The following HSD17B4 variants were observed in gnomAD, a reference collection of about 807,000 sequenced individuals.
The protein encoded by HSD17B4 is hydroxysteroid 17-beta dehydrogenase 4.
Under a neutral mutation model 101.0 loss-of-function variants are expected in HSD17B4, and 70 were observed. That is an observed-to-expected ratio of 0.69 (90% CI 0.57 to 0.85). The LOEUF is 0.85. Among genes scored for constraint, HSD17B4 ranks in the 40% least tolerant of loss-of-function variants. The pLI is 0.00. For synonymous variants in HSD17B4, 347 were observed against 297.1 expected, an observed-to-expected ratio of 1.17 and a Z score of -1.73; for missense variants, 984 against 892.4, an observed-to-expected ratio of 1.10 and a Z score of -1.31.
intron 1 of HSD17B4, 39 bp downstream of exon 1, chr5:119,452,672 G>A: frequency 1.2e-6 from 2 of 1,612,740 alleles, no homozygotes; most frequent in East Asian, 4.5e-5. Context: ...CCCTTGCTGA[G>A]GCGCAGCTGG....
rs79233674 is a variant in HSD17B4 at position 119,457,109 on chromosome 5, G to T, written c.112+741G>T. Among the ~76,000 whole-genome samples, 1,404 of 152,302 alleles carry T rather than the reference G, an allele frequency of 9.2e-3. 27 individuals are homozygous for T. Among genetic ancestry groups the T allele is most frequent in the African/African-American group, 0.033 (1,353 of 41,566 alleles). Reference sequence around the variant, plus strand: ...GTGGGAGGTTTTAGTAATCTGCATGGTTTGGACTGATCTAATGTGCTTGAC... The same window carrying T: ...GTGGGAGGTTTTAGTAATCTGCATGTTTTGGACTGATCTAATGTGCTTGAC... On this transcript the variant is annotated intron_variant, in intron 2 of 23. Transcript: ENST00000510025.
intron 7 of HSD17B4, 26 bp downstream of exon 7, chr5:119,477,527 G>T: frequency 6.6e-7 from 1 of 1,504,990 alleles, no homozygotes; most frequent in Non-Finnish European, 9.3e-7. Context: ...GTTGTCAAGG[G>T]GGATTTAAGA....
intron 2 of HSD17B4, among the ~76,000 whole-genome samples, chr5:119,468,222 A>C (rs879617168): frequency 6.6e-6 from 1 of 151,904 alleles, no homozygotes; most frequent in Non-Finnish European, 1.5e-5. Context: ...TTAAGCTTTC[A>C]TATGTTTTCA....
chr5:119,529,550 A>G (rs1159827390), intron 20 of HSD17B4, among the ~76,000 whole-genome samples: 8 of 151,908 alleles, frequency 5.3e-5, no homozygotes, highest in Admixed American at 3.9e-4. Context: ...CCTGATCCCC[A>G]CTTCCCCCCC....
At chr5:119,505,681 A>G (rs1236441960) in intron 14 of HSD17B4, among the ~76,000 whole-genome samples, 1 of 152,026 alleles carries the variant, frequency 6.6e-6, no homozygotes, top group East Asian at 1.9e-4. Flanking sequence ...ATAGAATGAT[A>G]TCATTGGTGA....
At chr5:119,476,184 A>G (rs534964340) in intron 6 of HSD17B4, among the ~76,000 whole-genome samples, 1 of 152,174 alleles carries the variant, frequency 6.6e-6, no homozygotes. Context: ...TTAACTCTTA[A>G]CAGCCTTTAA....
At chr5:119,492,482 G>A (rs751524023) in intron 10 of HSD17B4, 3 of 224,918 alleles carry the variant, frequency 1.3e-5, no homozygotes, top group Non-Finnish European at 2.7e-5. Flanking sequence ...GTGAGTGGGA[G>A]GGAGAGCTGT....
In HSD17B4 at chr5:119,487,715, G is replaced by T. The variant is rs1332582726; in HGVS notation, c.623-1477G>T. On this transcript the variant is annotated intron_variant, in intron 8 of 23. Coordinates refer to ENST00000510025, the MANE Select transcript of HSD17B4 (RefSeq NM_000414.4). Reference sequence around the variant, plus strand: ...TATAGATATGTTTATTTCTCATTCAGTTTGAAGTTAGCCAACTCAAATATC... The same window carrying T: ...TATAGATATGTTTATTTCTCATTCATTTTGAAGTTAGCCAACTCAAATATC... Among the ~76,000 whole-genome samples the T allele has an allele frequency of 3.3e-5, 5 of 152,184 alleles. No individual in the cohort carries two copies. In the South Asian group the frequency reaches 1.0e-3, roughly 32 times the overall value.
intron 2 of HSD17B4, among the ~76,000 whole-genome samples, chr5:119,466,789 C>T (rs1252332212): frequency 1.3e-5 from 2 of 151,620 alleles, no homozygotes; most frequent in Non-Finnish European, 2.9e-5. Flanking sequence ...TTGTTTATTT[C>T]TTCTCTGATC....
At chr5:119,476,631 A>G in intron 6 of HSD17B4, 4 of 985,142 alleles carry the variant, frequency 4.1e-6, no homozygotes, top group Non-Finnish European at 3.6e-6. Flanking sequence ...CTTCCCTTGT[A>G]ACAACTGGGG....
intron 12 of HSD17B4, among the ~76,000 whole-genome samples, chr5:119,498,224 C>T (rs1050161600): frequency 6.6e-6 from 1 of 152,082 alleles, no homozygotes; most frequent in Non-Finnish European, 1.5e-5. Flanking sequence ...TAATTTTAAG[C>T]CTGAGAATGT....
At chr5:119,525,391 A>T (rs1753495038) in intron 18 of HSD17B4, 106 bp downstream of exon 18, 5 of 581,686 alleles carry the variant, frequency 8.6e-6, no homozygotes, top group African/African-American at 2.1e-5. Context: ...AGTAGCATTT[A>T]AAAAAATGTT....
chr5:119,477,313 G>GTA (rs1748676197), intron 6 of HSD17B4, 104 bp from the exon 7 acceptor site: 2 of 799,124 alleles, frequency 2.5e-6, no homozygotes. Context: ...TATACATTAG[G>GTA]TATAAAATGA....
intron 2 of HSD17B4, among the ~76,000 whole-genome samples, chr5:119,463,245 C>G (rs1436418055): frequency 6.6e-6 from 1 of 152,100 alleles, no homozygotes; most frequent in East Asian, 1.9e-4. Flanking sequence ...TTTTCTTTAT[C>G]CATGCATCTG....
intron 8 of HSD17B4, among the ~76,000 whole-genome samples, chr5:119,480,500 GAA>G (rs1194875303): frequency 1.3e-5 from 2 of 152,168 alleles, no homozygotes; most frequent in Admixed American, 6.6e-5. Flanking sequence ...GGGAGTGTGT[GAA>G]TAGGTGTGGG....
chr5:119,491,545 GTTA>G (rs2126749462), intron 9 of HSD17B4, among the ~76,000 whole-genome samples: 1 of 150,626 alleles, frequency 6.6e-6, no homozygotes, highest in African/African-American at 2.4e-5. Context: ...CTGGGTAGCA[GTTA>G]TTATTTGGTC....
chr5:119,525,002 AT>A (rs1172383340), intron 17 of HSD17B4, among the ~76,000 whole-genome samples: 2 of 152,046 alleles, frequency 1.3e-5, no homozygotes, highest in Admixed American at 6.6e-5. Flanking sequence ...CCCTTTCTAC[AT>A]TTTTTTCCCT....
chr5:119,470,069 C>G (rs1368404414), intron 2 of HSD17B4, among the ~76,000 whole-genome samples: 1 of 152,198 alleles, frequency 6.6e-6, no homozygotes. Flanking sequence ...GGTTGCTCTA[C>G]TGCTAGATAG....
intron 2 of HSD17B4, among the ~76,000 whole-genome samples, chr5:119,460,486 A>G (rs1344005471): frequency 6.6e-6 from 1 of 152,200 alleles, no homozygotes; most frequent in Admixed American, 6.5e-5. Flanking sequence ...AAACCTTTGA[A>G]TAAATTTAGA....
Sources: gnomAD v4.1 joint callset for allele counts (sites outside exome capture counted in the v4.1 genomes callset) on GRCh38, gnomAD v4.1.1 for gene constraint, MANE v1.5 for transcripts, NCBI Gene and HGNC (gene_info 2026-07-23, HGNC 2026-07-21) for gene names.